The following TMTC2 variants were observed in gnomAD, a reference collection of about 807,000 sequenced individuals.
The protein encoded by TMTC2 is protein O-mannosyl-transferase TMTC2.
Under a neutral mutation model 82.4 loss-of-function variants are expected in TMTC2, and 43 were observed. That is an observed-to-expected ratio of 0.52 (90% CI 0.41 to 0.67). The LOEUF (loss-of-function observed/expected upper bound fraction) is 0.67. Among genes scored for constraint, TMTC2 ranks in the 30% least tolerant of loss-of-function variants. The pLI is 0.00. For missense variants in TMTC2, 919 were observed against 1,012.4 expected, an observed-to-expected ratio of 0.91 and a Z score of 1.25; for synonymous variants, 408 against 381.9, an observed-to-expected ratio of 1.07 and a Z score of -0.80.
intron 1 of TMTC2, among the ~76,000 whole-genome samples, chr12:82,720,020 T>C (rs989869827): frequency 1.3e-5 from 2 of 152,212 alleles, no homozygotes; most frequent in African/African-American, 2.4e-5. Flanking sequence ...TACACTTGCA[T>C]ATTTTCTGTT....
At chr12:83,041,936 A>G (rs968665649) in intron 9 of TMTC2, among the ~76,000 whole-genome samples, 3 of 152,210 alleles carry the variant, frequency 2.0e-5, no homozygotes, top group Non-Finnish European at 4.4e-5. Flanking sequence ...ACACACACAC[A>G]AACACATTGG....
intron 11 of TMTC2, among the ~76,000 whole-genome samples, chr12:83,066,035 C>T (rs948671491): frequency 1.3e-5 from 2 of 151,772 alleles, no homozygotes; most frequent in African/African-American, 2.4e-5. Context: ...AAGACTGTGC[C>T]AAATGTAGTA....
intron 3 of TMTC2, among the ~76,000 whole-genome samples, chr12:82,904,226 G>A (rs939314519): frequency 6.6e-6 from 1 of 152,138 alleles, no homozygotes; most frequent in Non-Finnish European, 1.5e-5. Flanking sequence ...ATGGTTTTCT[G>A]AGATTACAGA....
At chr12:83,065,297 G>C (rs542260341) in intron 11 of TMTC2, among the ~76,000 whole-genome samples, 1 of 151,792 alleles carries the variant, frequency 6.6e-6, no homozygotes, top group East Asian at 1.9e-4. Flanking sequence ...AATTTACTTT[G>C]AAATTGTTAA....
intron 1 of TMTC2, among the ~76,000 whole-genome samples, chr12:82,719,085 A>ATATATATATATATATATTTT (rs1282211374): frequency 1.2e-4 from 5 of 41,414 alleles, no homozygotes; most frequent in East Asian, 9.7e-4. Context: ...ATATATATAT[A>ATATATATATATATATATTTT]TTTTTTTTTT....
rs1408751646 is a variant in TMTC2 at position 82,937,947 on chromosome 12, C to T, written c.1598+7402C>T. On this transcript the variant is annotated intron_variant, in intron 4 of 11. Transcript: ENST00000321196. ...ATTTTTTTTTTTTGAGACAGTCTTACGCTGTCGCCCAGGGTGGAGTGCAGT... is the reference window on the plus strand; with the variant it reads ...ATTTTTTTTTTTTGAGACAGTCTTATGCTGTCGCCCAGGGTGGAGTGCAGT... Among the ~76,000 whole-genome samples, 40 of 103,646 alleles carry T rather than the reference C, an allele frequency of 3.9e-4. 2 individuals carry two copies. The highest frequency in any genetic ancestry group is 1.3e-3 in the African/African-American group (38 of 30,338). The allele number at this position is 103,646 out of a possible 152,430, so 68.0% of individuals were successfully genotyped here.
At chr12:82,963,792 CATATATATAT>C (rs58960088) in intron 4 of TMTC2, among the ~76,000 whole-genome samples, 5,187 of 52,904 alleles carry the variant, frequency 0.098, 1,330 homozygotes, top group Middle Eastern at 0.16. Flanking sequence ...TCCAGATTTT[CATATATATAT>C]ATATATATAT....
chr12:83,022,139 A>T (rs949287312), intron 8 of TMTC2: 4 of 151,984 alleles, frequency 2.6e-5, no homozygotes, highest in Non-Finnish European at 5.9e-5. Context: ...GACTAATTTC[A>T]TGCTCCTTAC....
intron 1 of TMTC2, among the ~76,000 whole-genome samples, chr12:82,727,850 AAAAAAAAAAAAAAAAG>A (rs1204579564): frequency 2.3e-4 from 1 of 4,276 alleles, no homozygotes; most frequent in Non-Finnish European, 8.3e-4. Flanking sequence ...AGGCCAAAAA[AAAAAAAAAAAAAAAAG>A]AGAGAAGGAA....
intron 1 of TMTC2, among the ~76,000 whole-genome samples, chr12:82,815,493 T>C (rs1294200203): frequency 6.6e-6 from 1 of 151,736 alleles, no homozygotes; most frequent in Non-Finnish European, 1.5e-5. Flanking sequence ...TTTGTATTTT[T>C]AGTAGAGACG....
At chr12:82,884,324 A>G (rs998975215) in intron 2 of TMTC2, among the ~76,000 whole-genome samples, 1 of 152,206 alleles carries the variant, frequency 6.6e-6, no homozygotes, top group African/African-American at 2.4e-5. Context: ...CTAATATACT[A>G]CAAACGCTAT....
intron 11 of TMTC2, among the ~76,000 whole-genome samples, chr12:83,084,577 G>A (rs1883585364): frequency 6.6e-6 from 1 of 152,054 alleles, no homozygotes; most frequent in Non-Finnish European, 1.5e-5. Flanking sequence ...AAAAATTTTA[G>A]GATACGAATA....
chr12:83,078,865 G>A (rs1883373328), intron 11 of TMTC2, among the ~76,000 whole-genome samples: 1 of 151,890 alleles, frequency 6.6e-6, no homozygotes, highest in Non-Finnish European at 1.5e-5. Flanking sequence ...GCTAAGGAGG[G>A]CAAATATGGT....
At chr12:82,714,212 G>A (rs971051081) in intron 1 of TMTC2, among the ~76,000 whole-genome samples, 1 of 152,186 alleles carries the variant, frequency 6.6e-6, no homozygotes, top group Non-Finnish European at 1.5e-5. Context: ...ATGAACATTA[G>A]GGATCTTAAA....
chr12:83,076,299 A>G (rs1883281679), intron 11 of TMTC2, among the ~76,000 whole-genome samples: 1 of 152,234 alleles, frequency 6.6e-6, no homozygotes, highest in African/African-American at 2.4e-5. Context: ...GCTCTTGGCT[A>G]TAAAGAAAAT....
chr12:82,700,496 T>G (rs1420405187), intron 1 of TMTC2, among the ~76,000 whole-genome samples: 1 of 152,140 alleles, frequency 6.6e-6, no homozygotes, highest in East Asian at 1.9e-4. Context: ...CTGAAAAGAT[T>G]TCAGTGAACT....
intron 11 of TMTC2, among the ~76,000 whole-genome samples, chr12:83,097,852 A>G (rs1000670744): frequency 3.3e-5 from 5 of 152,186 alleles, no homozygotes; most frequent in Admixed American, 6.5e-5. Flanking sequence ...AGATGGAAAG[A>G]AGCCTGGAGC....
intron 8 of TMTC2, among the ~76,000 whole-genome samples, chr12:82,989,648 T>TA (rs1879318075): frequency 6.6e-6 from 1 of 151,852 alleles, no homozygotes; most frequent in African/African-American, 2.4e-5. Context: ...TGGCACTCGA[T>TA]ATAGAAACCA....
chr12:82,969,090 A>G (rs1878342771), intron 7 of TMTC2, among the ~76,000 whole-genome samples: 1 of 152,168 alleles, frequency 6.6e-6, no homozygotes, highest in Non-Finnish European at 1.5e-5. Context: ...TGTTGGCTCT[A>G]GCTCCTAATA....
Sources: gnomAD v4.1 joint callset for allele counts (sites outside exome capture counted in the v4.1 genomes callset) on GRCh38, gnomAD v4.1.1 for gene constraint, MANE v1.5 for transcripts, NCBI Gene and HGNC (gene_info 2026-07-23, HGNC 2026-07-21) for gene names.